The following STK32B variants were observed in gnomAD, a reference collection of about 807,000 sequenced individuals.
STK32B encodes serine/threonine-protein kinase 32B.
Under a neutral mutation model 52.6 loss-of-function variants are expected in STK32B, and 43 were observed. That is an observed-to-expected ratio of 0.82 (90% CI 0.64 to 1.05). The LOEUF (loss-of-function observed/expected upper bound fraction) is 1.05. Among genes scored for constraint, STK32B ranks in the 50% least tolerant of loss-of-function variants. The pLI, the probability that STK32B is intolerant of heterozygous loss-of-function variation, is 0.00. For synonymous variants in STK32B, 238 were observed against 204.3 expected (o/e 1.17, Z -1.41); for missense variants, 621 against 534.6 (o/e 1.16, Z -1.59).
intron 3 of STK32B, among the ~76,000 whole-genome samples, chr4:5,207,706 AT>A (rs200741062): frequency 6.6e-6 from 1 of 151,136 alleles, no homozygotes; most frequent in African/African-American, 2.4e-5. Context: ...ATGCTCCAGC[AT>A]TTTTTTTCTT....
chr4:5,437,709 C>G (rs1231882564), intron 6 of STK32B, among the ~76,000 whole-genome samples: 1 of 152,132 alleles, frequency 6.6e-6, no homozygotes, highest in Non-Finnish European at 1.5e-5. Context: ...TAGCATTTAT[C>G]CTGTTGGGTG....
chr4:5,349,419 C>T (rs1033609738), intron 4 of STK32B, among the ~76,000 whole-genome samples: 29 of 152,170 alleles, frequency 1.9e-4, no homozygotes, highest in African/African-American at 7.0e-4. Context: ...TACACTGCTG[C>T]ACCCACCCAG....
chr4:5,388,899 C>G (rs1736421754), intron 4 of STK32B, among the ~76,000 whole-genome samples: 1 of 152,128 alleles, frequency 6.6e-6, no homozygotes. Flanking sequence ...AATGCAATTG[C>G]CTTAGTAGCC....
intron 2 of STK32B, among the ~76,000 whole-genome samples, chr4:5,145,337 G>T (rs1716827533): frequency 6.6e-6 from 1 of 152,182 alleles, no homozygotes. Flanking sequence ...TCAGCCTAGA[G>T]ATTTGCCTGT....
rs73211170 is a variant in STK32B, at chr4:5,385,605, A to G, written c.435-12602A>G. On this transcript the variant is annotated intron_variant, in intron 4 of 11. Coordinates refer to ENST00000282908, the MANE Select transcript of STK32B (RefSeq NM_018401.3). ...TTATCACCTGGGAAATGAAATGACC[A>G]CACTCCTCCCAGGGCTGCTGTGAAG... is the stretch of plus-strand genomic sequence containing the variant. Among the ~76,000 whole-genome samples the G allele has an allele frequency of 1.7e-3, 266 of 152,138 alleles. 1 individual carries two copies. Among genetic ancestry groups the G allele is most frequent in the Non-Finnish European group, 3.1e-3 (211 of 67,960 alleles).
At chr4:5,387,182 G>GT (rs951445274) in intron 4 of STK32B, among the ~76,000 whole-genome samples, 1 of 152,220 alleles carries the variant, frequency 6.6e-6, no homozygotes, top group Non-Finnish European at 1.5e-5. Context: ...TGAGCCCCAA[G>GT]CCAGGACCTG....
chr4:5,164,914 G>A lies in STK32B; in HGVS notation c.109-3385G>A, dbSNP rs75834878. On this transcript the variant is annotated intron_variant, in intron 2 of 11. Coordinates refer to ENST00000282908, the MANE Select transcript of STK32B (RefSeq NM_018401.3). The stretch of plus-strand genomic sequence containing the variant: ...TTTTCTCTTTTAGCCTCTATCTCCT[G>A]GTCAGGTTAATTAAGCTGTTGTTAC... 2.1e-3 allele frequency among the ~76,000 whole-genome samples: 324 copies of A among 152,234 alleles called. 7 individuals are homozygous for A. In the East Asian group the frequency reaches 0.052, roughly 24 times the overall value.
chr4:5,353,443 A>G (rs866425451), intron 4 of STK32B, among the ~76,000 whole-genome samples: 5 of 152,256 alleles, frequency 3.3e-5, no homozygotes, highest in African/African-American at 9.6e-5. Context: ...AAAGGAAGCA[A>G]TTAATACAGT....
At chr4:5,231,603 C>T (rs1434943911) in intron 3 of STK32B, among the ~76,000 whole-genome samples, 26 of 152,040 alleles carry the variant, frequency 1.7e-4, no homozygotes, top group Non-Finnish European at 4.4e-5. Context: ...CAGAGTAAGC[C>T]TCTGTCTCAA....
chr4:5,481,788 C>A, intron 11 of STK32B, among the ~76,000 whole-genome samples: 1 of 152,168 alleles, frequency 6.6e-6, no homozygotes, highest in Middle Eastern at 3.2e-3. Flanking sequence ...GATCCAGTTT[C>A]GGCTTTCTAC....
At chr4:5,067,619 A>G (rs1742473889) in intron 1 of STK32B, among the ~76,000 whole-genome samples, 1 of 152,192 alleles carries the variant, frequency 6.6e-6, no homozygotes, top group African/African-American at 2.4e-5. Flanking sequence ...ATTTTTATAC[A>G]TAATATGATC....
intron 3 of STK32B, among the ~76,000 whole-genome samples, chr4:5,277,616 G>A (rs1467266924): frequency 2.0e-5 from 3 of 152,008 alleles, no homozygotes; most frequent in African/African-American, 7.2e-5. Flanking sequence ...AAATTAATAG[G>A]ATGTGTTTTA....
intron 3 of STK32B, among the ~76,000 whole-genome samples, chr4:5,274,320 C>A (rs889122384): frequency 1.3e-5 from 2 of 151,998 alleles, no homozygotes; most frequent in African/African-American, 4.8e-5. Flanking sequence ...AAAATAGAAC[C>A]ACAAAGATAT....
intron 3 of STK32B, among the ~76,000 whole-genome samples, chr4:5,249,516 TTTAAACTTTTCTTCTC>T (rs1333614464): frequency 6.0e-5 from 9 of 150,140 alleles, no homozygotes; most frequent in African/African-American, 1.5e-4. Flanking sequence ...CCTCCCTTCC[TTTAAACTTTTCTTCTC>T]TCCTTCCTTC....
At chr4:5,205,685 C>G (rs1262299506) in intron 3 of STK32B, among the ~76,000 whole-genome samples, 1 of 144,236 alleles carries the variant, frequency 6.9e-6, no homozygotes, top group East Asian at 2.2e-4. Flanking sequence ...GTTGACAGTT[C>G]TAGACCAGGC....
intron 1 of STK32B, among the ~76,000 whole-genome samples, chr4:5,085,974 C>G (rs1051132583): frequency 6.6e-6 from 1 of 151,092 alleles, no homozygotes; most frequent in African/African-American, 2.4e-5. Context: ...TTATTTTACT[C>G]AACTTGGAAC....
At chr4:5,497,480 T>C (rs1720380488) in intron 11 of STK32B, among the ~76,000 whole-genome samples, 1 of 152,214 alleles carries the variant, frequency 6.6e-6, no homozygotes, top group Non-Finnish European at 1.5e-5. Context: ...ACTAGGATGA[T>C]GCATTTTAAC....
At chr4:5,181,954 ACTT>A (rs776448325) in intron 3 of STK32B, among the ~76,000 whole-genome samples, 62 of 152,208 alleles carry the variant, frequency 4.1e-4, no homozygotes, top group Admixed American at 1.5e-3. Flanking sequence ...CTGTGGTAGA[ACTT>A]CTTTCAGAAA....
chr4:5,153,489 A>T, intron 2 of STK32B, among the ~76,000 whole-genome samples: 1 of 150,398 alleles, frequency 6.6e-6, no homozygotes, highest in East Asian at 1.9e-4. Context: ...TAATTTGGTA[A>T]ACTTCAACAT....
Sources: gnomAD v4.1 joint callset for allele counts (sites outside exome capture counted in the v4.1 genomes callset) on GRCh38, gnomAD v4.1.1 for gene constraint, MANE v1.5 for transcripts, NCBI Gene and HGNC (gene_info 2026-07-23, HGNC 2026-07-21) for gene names.